Variants in CTDP1 observed in about 807,000 individuals in gnomAD.
CTDP1 encodes CTD phosphatase 1.
Under a neutral mutation model 91.8 loss-of-function variants are expected in CTDP1, and 47 were observed. That is an observed-to-expected ratio of 0.51 (90% CI 0.41 to 0.65). The LOEUF (loss-of-function observed/expected upper bound fraction) is 0.65. Among genes scored for constraint, CTDP1 ranks in the 30% least tolerant of loss-of-function variants. CTDP1 has a pLI of 0.00. For synonymous variants in CTDP1, 656 were observed against 598.5 expected, an observed-to-expected ratio of 1.10 and a Z score of -1.40; for missense variants, 1,272 against 1,373.7, an observed-to-expected ratio of 0.93 and a Z score of 1.17.
At chr18:79,710,845 C>G (rs1192405837) in intron 6 of CTDP1, among the ~76,000 whole-genome samples, 3 of 152,078 alleles carry the variant, frequency 2.0e-5, no homozygotes. Context: ...TGCACCCGGC[C>G]TAGAGCAGTA....
chr18:79,742,063 C>T (rs896517670), intron 12 of CTDP1, among the ~76,000 whole-genome samples: 1 of 151,386 alleles, frequency 6.6e-6, no homozygotes, highest in African/African-American at 2.4e-5. Flanking sequence ...CCAGAGGAAG[C>T]ATGAGGCGTC....
In CTDP1 at chr18:79,697,213, G is replaced by A. The variant is rs572609826; in HGVS notation, c.493-647G>A. 1.4e-4 allele frequency among the ~76,000 whole-genome samples: 22 copies of A among 152,324 alleles called. 1 individual carries two copies. The South Asian group carries it at 4.1e-3, about 29-fold the overall frequency. On this transcript the variant is annotated intron_variant, in intron 3 of 12. Transcript: ENST00000613122. ...CCCTTCGGGGATGGGCACGGGAGGA[G>A]GTCCCCCCTGAGCGGGACCAGGATT...
chr18:79,727,982 C>T (rs1415184230), intron 10 of CTDP1, among the ~76,000 whole-genome samples: 2 of 152,310 alleles, frequency 1.3e-5, no homozygotes, highest in South Asian at 2.1e-4. Context: ...CTATTTCAAA[C>T]GGAGCTGCGG....
At chr18:79,727,334 G>A (rs149736270) in intron 10 of CTDP1, among the ~76,000 whole-genome samples, 5 of 152,326 alleles carry the variant, frequency 3.3e-5, no homozygotes, top group East Asian at 1.9e-4. Context: ...GAAGCACAGC[G>A]TTCGCGGTGT....
rs544352479 is a variant in CTDP1, at chr18:79,694,266, C to A, written c.315-959C>A. 3.4e-4 allele frequency among the ~76,000 whole-genome samples: 48 copies of A among 139,822 alleles called. 1 individual carries two copies. Among genetic ancestry groups the A allele is most frequent in the African/African-American group, 1.3e-3 (46 of 36,592 alleles). 91.7% of individuals were successfully genotyped at this position (139,822 alleles called of 152,430 possible). ...GGGATGGGAGTGTGGGGGCTACAGG[C>A]ACCTAGGGGTGGGCGCTGAGTGCTG... On this transcript the variant is annotated intron_variant, in intron 1 of 12. Transcript: ENST00000613122.
At position 79,715,503 on chromosome 18, in the gene CTDP1, C is replaced by T. The variant is rs377483381; in HGVS notation, c.2043C>T (p.Ala681=). Residue 681 remains alanine, a synonymous_variant, in exon 8 of 13, where the codon GCC becomes GCT. Transcript: ENST00000613122. ...TGAGCCCCGACGCCCCTGACAGGGCCACGCACCTGATCGCCGCGCGAGCTG... is the reference window on the plus strand; with the variant it reads ...TGAGCCCCGACGCCCCTGACAGGGCTACGCACCTGATCGCCGCGCGAGCTG... ...LVLSPDAPDR[A]THLIAARAGT... is the part of the protein sequence containing the mutation. 19 of 1,568,460 alleles carry T rather than the reference C, an allele frequency of 1.2e-5. No homozygotes were observed. The highest frequency in any genetic ancestry group is 1.6e-5 in the Non-Finnish European group (19 of 1,159,652).
chr18:79,735,752 CTG>C (rs2086654648), intron 11 of CTDP1: 1 of 156,868 alleles, frequency 6.4e-6, no homozygotes. Context: ...CCTGCCGCCT[CTG>C]TTGCCACTCC....
intron 10 of CTDP1, among the ~76,000 whole-genome samples, chr18:79,719,990 CGAT>C (rs1325254301): frequency 2.8e-5 from 2 of 71,662 alleles, no homozygotes; most frequent in Non-Finnish European, 5.4e-5. Context: ...GTCCTGGTGA[CGAT>C]GTCATCTCCT....
intron 10 of CTDP1, among the ~76,000 whole-genome samples, chr18:79,721,708 G>A (rs547237571): frequency 3.3e-5 from 5 of 151,970 alleles, no homozygotes; most frequent in East Asian, 1.9e-4. Context: ...AGCTGTGATC[G>A]CACCCCTGCG....
At chr18:79,717,779 G>T (rs528866268) in intron 9 of CTDP1, 31 bp from the exon 10 acceptor site, 8 of 1,613,562 alleles carry the variant, frequency 5.0e-6, no homozygotes, top group South Asian at 3.3e-5. Context: ...CGGACGCCCC[G>T]CTCATGGCCC....
In CTDP1 at chr18:79,680,234, C is replaced by T. The variant is rs1599172262; in HGVS notation, c.287C>T (p.Ala96Val). ...ERAGVVRELC[A>V]QPGQVVAPGA... ...GCGGGCGTGGTGCGGGAGCTGTGCG[C>T]GCAGCCGGGCCAGGTGGTCGCCCCA... Residue 96 changes from alanine (A) to valine (V), a missense_variant, in exon 1 of 13, where the codon GCG (alanine) becomes GTG (valine). Ala to Val is a moderately conservative substitution (Grantham distance 64). Around this residue, in one of 3 missense-constraint regions of CTDP1, gnomAD observed 214 missense variants for 179.1 expected, o/e 1.19. Coordinates refer to ENST00000613122, the MANE Select transcript of CTDP1 (RefSeq NM_004715.5). 1 of 1,316,726 alleles carries T rather than the reference C, an allele frequency of 7.6e-7. No individual in the cohort carries two copies. The highest frequency in any genetic ancestry group is 9.6e-7 in the Non-Finnish European group (1 of 1,038,176). The allele number at this position is 1,316,726 out of a possible 1,614,324, so 81.6% of individuals were successfully genotyped here.
intron 10 of CTDP1, among the ~76,000 whole-genome samples, chr18:79,719,581 G>T (rs1218063710): frequency 6.6e-6 from 1 of 151,374 alleles, no homozygotes; most frequent in Non-Finnish European, 1.5e-5. Context: ...AGGTGTCCTG[G>T]TGATGTCACT....
At position 79,748,405 on chromosome 18, in the gene CTDP1, C is replaced by T. The variant is rs1025068321; in HGVS notation, c.2748-5247C>T. On this transcript the variant is annotated intron_variant, in intron 12 of 12. Transcript: ENST00000613122. ...CTGGGGGGACCCATGGAGGGAGGGC[C>T]GCCCCAGCCCGGGCTCTGTGACCCC... Among the ~76,000 whole-genome samples the T allele has an allele frequency of 5.9e-5, 9 of 152,298 alleles. No homozygotes were observed. In the South Asian group the frequency reaches 8.3e-4, roughly 14 times the overall value.
chr18:79,751,172 G>A (rs1300038805), intron 12 of CTDP1, among the ~76,000 whole-genome samples: 1 of 126,434 alleles, frequency 7.9e-6, no homozygotes, highest in Non-Finnish European at 1.7e-5. Context: ...GGTACAGAGG[G>A]CAGGCTTGGG....
upstream of CTDP1, chr18:79,679,054 G>A (rs1259838659): frequency 8.4e-6 from 2 of 239,016 alleles, no homozygotes; most frequent in South Asian, 7.8e-5. Flanking sequence ...AGCCACTTGC[G>A]GCTGCTGCTC....
upstream of CTDP1, chr18:79,679,606 C>G (rs1241809867): frequency 6.3e-6 from 3 of 477,864 alleles, no homozygotes; most frequent in Non-Finnish European, 1.2e-5. Context: ...CGACAGCGGC[C>G]CGCGTTGCAT....
chr18:79,722,333 G>T (rs1292704819), intron 10 of CTDP1, among the ~76,000 whole-genome samples: 1 of 152,180 alleles, frequency 6.6e-6, no homozygotes, highest in African/African-American at 2.4e-5. Context: ...CGAATGGCAC[G>T]TCATAAACAA....
chr18:79,698,188 C>T (rs886195582), intron 4 of CTDP1, among the ~76,000 whole-genome samples, 200 bp downstream of exon 4: 11 of 152,216 alleles, frequency 7.2e-5, no homozygotes, highest in African/African-American at 1.4e-4. Context: ...GCAGACATCC[C>T]GACGCCCACT....
At position 79,712,958 on chromosome 18, in the gene CTDP1, A is replaced by G. The variant is rs1453400466; in HGVS notation, c.864-14A>G. The G allele has an allele frequency of 1.9e-6, 3 of 1,613,610 alleles. No homozygotes were observed. The highest frequency in any genetic ancestry group is 2.2e-5 in the East Asian group (1 of 44,876). ...CATTATTATTTTTTGTAAATTATGC[A>G]TTTTCACTTGTAGAAATCTCTTTCC... On this transcript the variant is annotated splice_polypyrimidine_tract_variant and intron_variant, in intron 6 of 12. Coordinates refer to ENST00000613122, the MANE Select transcript of CTDP1 (RefSeq NM_004715.5).
Sources: gnomAD v4.1 joint callset for allele counts (sites outside exome capture counted in the v4.1 genomes callset) on GRCh38, gnomAD v4.1.1 for gene constraint, gnomAD v4.1.1 regional missense constraint, MANE v1.5 for transcripts, NCBI Gene and HGNC (gene_info 2026-07-23, HGNC 2026-07-21) for gene names.